The following TSHZ2 variants were observed in gnomAD, a reference collection of about 807,000 sequenced individuals.
TSHZ2 encodes teashirt homolog 2.
In TSHZ2, 21 loss-of-function variants were observed where a neutral mutation model predicts 74.4. That is an observed-to-expected ratio of 0.28 (90% CI 0.20 to 0.41). The LOEUF is 0.41. Ranked by LOEUF, TSHZ2 falls within the 10% of genes least tolerant of loss-of-function variation. The probability of loss-of-function intolerance (pLI) is 1.00; values close to 1 mark genes in which losing one functional copy is unlikely to be tolerated. For missense variants in TSHZ2, 1,244 were observed against 1,293.5 expected (o/e 0.96, Z 0.59); for synonymous variants, 540 against 515.3 (o/e 1.05, Z -0.65).
chr20:53,441,145 G>A (rs771314998), intron 2 of TSHZ2, among the ~76,000 whole-genome samples: 2 of 152,164 alleles, frequency 1.3e-5, no homozygotes, highest in Middle Eastern at 6.8e-3. Flanking sequence ...CTGGAAAGTT[G>A]TTCTATCTCA....
At chr20:53,463,206 G>A (rs1985433953) in intron 2 of TSHZ2, among the ~76,000 whole-genome samples, 1 of 152,144 alleles carries the variant, frequency 6.6e-6, no homozygotes, top group Admixed American at 6.6e-5. Context: ...GTGTATGCTT[G>A]TGAAGGAACT....
intron 1 of TSHZ2, chr20:53,168,991 T>G (rs1251805189): frequency 6.6e-6 from 1 of 152,198 alleles, no homozygotes; most frequent in Non-Finnish European, 1.5e-5. Context: ...TAAACAATAG[T>G]TATGACAGTA....
At chr20:53,367,275 G>C (rs972254547) in intron 2 of TSHZ2, among the ~76,000 whole-genome samples, 1 of 151,194 alleles carries the variant, frequency 6.6e-6, no homozygotes, top group Admixed American at 6.6e-5. Context: ...ATGGTGGCTC[G>C]TGCCTGTAAT....
At position 53,492,319 on chromosome 20, in the gene TSHZ2, T is replaced by C. The variant is rs1174266546; in HGVS notation, c.*5184T>C. 2 of 152,218 alleles carry C rather than the reference T, an allele frequency of 1.3e-5. No homozygotes were observed. The highest frequency in any genetic ancestry group is 4.8e-5 in the African/African-American group (2 of 41,458). 9.4% of individuals were successfully genotyped at this position (152,218 alleles called of 1,614,324 possible). A position where few individuals can be genotyped will look rare whatever the true frequency, so the allele number is the denominator to read the frequency against. Reference sequence around the variant, plus strand: ...TAGATGTGTATGTATATTTTTTAAGTACAGAAAGTTCAGCCAGTCTTCAGA... The same window carrying C: ...TAGATGTGTATGTATATTTTTTAAGCACAGAAAGTTCAGCCAGTCTTCAGA... On this transcript the variant is annotated 3_prime_UTR_variant, in exon 3 of 3. Transcript: ENST00000371497.
At chr20:53,233,651 T>C (rs1989876778) in intron 1 of TSHZ2, among the ~76,000 whole-genome samples, 1 of 152,210 alleles carries the variant, frequency 6.6e-6, no homozygotes, top group African/African-American at 2.4e-5. Flanking sequence ...AGCTGGGATT[T>C]TCCTCATCTC....
intron 2 of TSHZ2, among the ~76,000 whole-genome samples, chr20:53,386,759 C>T (rs1031941508): frequency 1.5e-4 from 23 of 151,996 alleles, no homozygotes; most frequent in African/African-American, 2.2e-4. Flanking sequence ...CAGAAGGCGG[C>T]GGAATGTTTA....
chr20:53,468,209 T>A (rs1344065902), intron 2 of TSHZ2, among the ~76,000 whole-genome samples: 4 of 152,164 alleles, frequency 2.6e-5, no homozygotes, highest in Non-Finnish European at 1.5e-5. Context: ...TAGATTGACA[T>A]ACCTTTGATT....
At chr20:53,116,397 G>A (rs1272704401) in intron 1 of TSHZ2, among the ~76,000 whole-genome samples, 2 of 152,040 alleles carry the variant, frequency 1.3e-5, no homozygotes, top group Admixed American at 6.5e-5. Flanking sequence ...GCTTCCCACA[G>A]GCCACCTCTC....
At chr20:53,339,770 T>TG (rs1268119532) in intron 2 of TSHZ2, among the ~76,000 whole-genome samples, 1 of 152,162 alleles carries the variant, frequency 6.6e-6, no homozygotes, top group Non-Finnish European at 1.5e-5. Flanking sequence ...CCAGGAAAGC[T>TG]GGGGGACTCG....
intron 2 of TSHZ2, among the ~76,000 whole-genome samples, chr20:53,329,007 C>T (rs1025900940): frequency 2.6e-5 from 4 of 152,206 alleles, no homozygotes; most frequent in Non-Finnish European, 5.9e-5. Flanking sequence ...AGGACTTTAG[C>T]CAAGAATGTA....
intron 2 of TSHZ2, among the ~76,000 whole-genome samples, chr20:53,486,353 CG>C (rs531783035): frequency 1.3e-5 from 2 of 152,034 alleles, no homozygotes; most frequent in Non-Finnish European, 2.9e-5. Flanking sequence ...GCTATGAACA[CG>C]GGTGTTCAAA....
intron 1 of TSHZ2, among the ~76,000 whole-genome samples, chr20:53,207,242 GA>G (rs1303517858): frequency 2.0e-5 from 3 of 152,182 alleles, no homozygotes; most frequent in Non-Finnish European, 4.4e-5. Flanking sequence ...GGAAGAGAGG[GA>G]AATTGGAGGG....
intron 2 of TSHZ2, among the ~76,000 whole-genome samples, chr20:53,334,807 C>T (rs964516099): frequency 1.3e-5 from 2 of 152,070 alleles, no homozygotes; most frequent in African/African-American, 4.8e-5. Context: ...CCTCAGCCTC[C>T]CGAGTGGCTG....
At chr20:53,428,914 T>TA (rs1250387983) in intron 2 of TSHZ2, among the ~76,000 whole-genome samples, 3 of 152,218 alleles carry the variant, frequency 2.0e-5, no homozygotes, top group African/African-American at 7.2e-5. Flanking sequence ...GCTTGTGCTT[T>TA]AGGTGACCAT....
intron 1 of TSHZ2, among the ~76,000 whole-genome samples, chr20:53,100,413 G>A (rs1986183856): frequency 6.6e-6 from 1 of 152,108 alleles, no homozygotes; most frequent in African/African-American, 2.4e-5. Flanking sequence ...AGCTCAAGTT[G>A]CATCAAATGG....
At chr20:53,285,156 GC>G (rs1348514061) in intron 2 of TSHZ2, among the ~76,000 whole-genome samples, 1 of 152,090 alleles carries the variant, frequency 6.6e-6, no homozygotes, top group African/African-American at 2.4e-5. Flanking sequence ...AAATGTGCAA[GC>G]CCCCACAAAG....
intron 2 of TSHZ2, among the ~76,000 whole-genome samples, chr20:53,334,411 A>T (rs933030561): frequency 2.0e-4 from 31 of 152,222 alleles, no homozygotes; most frequent in Admixed American, 1.5e-3. Context: ...GGGAACAGCA[A>T]GTGCACAGGC....
chr20:53,292,186 T>G (rs1204757106), intron 2 of TSHZ2, among the ~76,000 whole-genome samples: 1 of 152,160 alleles, frequency 6.6e-6, no homozygotes, highest in African/African-American at 2.4e-5. Flanking sequence ...GAGAGCATGA[T>G]TCTGTCCACA....
At chr20:53,052,284 C>G (rs1379716569) in intron 1 of TSHZ2, among the ~76,000 whole-genome samples, 1 of 152,172 alleles carries the variant, frequency 6.6e-6, no homozygotes, top group African/African-American at 2.4e-5. Context: ...GTCCTCAACC[C>G]CTGAGCTGCG....
Sources: gnomAD v4.1 joint callset for allele counts (sites outside exome capture counted in the v4.1 genomes callset) on GRCh38, gnomAD v4.1.1 for gene constraint, MANE v1.5 for transcripts, NCBI Gene and HGNC (gene_info 2026-07-23, HGNC 2026-07-21) for gene names.